PTCHD1: variants seen among roughly 807,000 people sequenced by gnomAD.
The protein encoded by PTCHD1 is patched domain-containing protein 1.
In PTCHD1, 3 loss-of-function variants were observed where a neutral mutation model predicts 34.6. That is an observed-to-expected ratio of 0.09 (90% CI 0.04 to 0.22). PTCHD1 has a LOEUF of 0.22. PTCHD1 is among the 10% of genes least tolerant of loss of function. PTCHD1 has a pLI of 1.00. For synonymous variants in PTCHD1, 305 were observed against 283.1 expected, an observed-to-expected ratio of 1.08 and a Z score of -0.77; for missense variants, 504 against 685.5, an observed-to-expected ratio of 0.74 and a Z score of 2.96.
intron 2 of PTCHD1, among the ~76,000 whole-genome samples, chrX:23,386,350 AT>A (rs1392866983): frequency 1.8e-5 from 2 of 112,026 alleles, no homozygotes; most frequent in African/African-American, 6.5e-5. Flanking sequence ...AATTTTCAAA[AT>A]GTGACAAGTC....
rs1923104055 is a variant in PTCHD1 at position 23,400,939 on chromosome X, T to A, written c.*6754T>A. ...GGCGCCATCTCAGCTCACTGCAAGC[T>A]CCACCTCCCAGGTTCACGACATTCT... On this transcript the variant is annotated 3_prime_UTR_variant, in exon 3 of 3. Coordinates refer to ENST00000379361, the MANE Select transcript of PTCHD1 (RefSeq NM_173495.3). 1 of 110,560 alleles carries A rather than the reference T, an allele frequency of 9.0e-6. No individual in the cohort carries two copies. The highest frequency in any genetic ancestry group is 1.9e-5 in the Non-Finnish European group (1 of 52,937). The allele number at this position is 110,560 out of a possible 1,213,427, so 9.1% of individuals were successfully genotyped here. A position where few individuals can be genotyped will look rare whatever the true frequency, so the allele number is the denominator to read the frequency against.
chrX:23,368,554 G>A (rs1296828821), intron 1 of PTCHD1, among the ~76,000 whole-genome samples: 6 of 111,237 alleles, frequency 5.4e-5, no homozygotes, highest in Non-Finnish European at 9.4e-5. Flanking sequence ...AGGATTGAGC[G>A]AAACAAAATC....
At chrX:23,375,067 C>T (rs995093639) in intron 1 of PTCHD1, among the ~76,000 whole-genome samples, 1 of 111,807 alleles carries the variant, frequency 8.9e-6, no homozygotes, top group East Asian at 2.8e-4. Context: ...TTTAGCAACA[C>T]CAGAGGCTGG....
chrX:23,391,787 A>C (rs1291260088), intron 2 of PTCHD1, among the ~76,000 whole-genome samples: 2 of 111,757 alleles, frequency 1.8e-5, no homozygotes, highest in East Asian at 5.7e-4. Flanking sequence ...CGTTCCACCA[A>C]CCAAACTGCA....
At chrX:23,360,042 T>C (rs1312666759) in intron 1 of PTCHD1, among the ~76,000 whole-genome samples, 1 of 112,258 alleles carries the variant, frequency 8.9e-6, no homozygotes, top group African/African-American at 3.2e-5. Flanking sequence ...GCTGCTAGAT[T>C]CAGTTTACTA....
chrX:23,376,970 G>A (rs1431819097), intron 1 of PTCHD1, among the ~76,000 whole-genome samples: 2 of 111,884 alleles, frequency 1.8e-5, no homozygotes, highest in African/African-American at 3.3e-5. Flanking sequence ...CTTGTAGTAC[G>A]CGGGTTAACA....
At position 23,396,063 on chromosome X, in the gene PTCHD1, T is replaced by G. The variant is rs905101098; in HGVS notation, c.*1878T>G. 1.8e-5 allele frequency: 2 copies of G among 112,406 alleles called. No individual in the cohort carries two copies. The highest frequency in any genetic ancestry group is 3.8e-5 in the Non-Finnish European group (2 of 53,250). 9.3% of individuals were successfully genotyped at this position (112,406 alleles called of 1,213,427 possible). The stretch of plus-strand genomic sequence containing the variant: ...GGCCACAGGGCAGACATTTTTTTAG[T>G]GTCTGGAATTAAAATGTTTGAGGTT... On this transcript the variant is annotated 3_prime_UTR_variant, in exon 3 of 3. Transcript: ENST00000379361.
chrX:23,373,857 T>C (rs750984200), intron 1 of PTCHD1, among the ~76,000 whole-genome samples: 2 of 112,384 alleles, frequency 1.8e-5, no homozygotes, highest in South Asian at 7.4e-4. Flanking sequence ...GGGAACATTT[T>C]ATTTAGGGGT....
rs969723441 is a variant in PTCHD1 at position 23,379,747 on chromosome X, A to C, written c.508A>C (p.Asn170His). ...LKNARATNRT[N>H]FAITYPITHL... ...GAATGCTCGGGCCACCAATCGGACC[A>C]ATTTTGCTATCACATACCCAATCAC... Residue 170 changes from asparagine (N) to histidine (H), a missense_variant, in exon 2 of 3, where the codon AAT (asparagine) becomes CAT (histidine). Coordinates refer to ENST00000379361, the MANE Select transcript of PTCHD1 (RefSeq NM_173495.3). 3.3e-6 allele frequency: 4 copies of C among 1,209,199 alleles called. No individual in the cohort carries two copies. The highest frequency in any genetic ancestry group is 4.5e-6 in the Non-Finnish European group (4 of 895,127).
chrX:23,357,404 A>G (rs920320107), intron 1 of PTCHD1, among the ~76,000 whole-genome samples: 7 of 111,751 alleles, frequency 6.3e-5, no homozygotes, highest in African/African-American at 2.3e-4. Context: ...TGCTGAGGAT[A>G]TGGGGTAACT....
At chrX:23,372,607 A>G (rs1189472609) in intron 1 of PTCHD1, among the ~76,000 whole-genome samples, 1 of 111,111 alleles carries the variant, frequency 9.0e-6, no homozygotes, top group Non-Finnish European at 1.9e-5. Flanking sequence ...TGTCCTTGGC[A>G]TGCTGTTTTT....
chrX:23,348,032 T>C lies in PTCHD1; in HGVS notation c.351+12806T>C, dbSNP rs149391916. Among the ~76,000 whole-genome samples, 686 of 110,685 alleles carry C rather than the reference T, an allele frequency of 6.2e-3. 7 individuals are homozygous for C. The highest frequency in any genetic ancestry group is 0.021 in the African/African-American group (648 of 30,320). On this transcript the variant is annotated intron_variant, in intron 1 of 2. Coordinates refer to ENST00000379361, the MANE Select transcript of PTCHD1 (RefSeq NM_173495.3). ...CTCAAAAAAAATAAAGTAACAATGATTAATATGTTAAGGGCTTTAGTGGAA... is the reference window on the plus strand; with the variant it reads ...CTCAAAAAAAATAAAGTAACAATGACTAATATGTTAAGGGCTTTAGTGGAA...
intron 1 of PTCHD1, among the ~76,000 whole-genome samples, chrX:23,359,860 G>A (rs762779891): frequency 8.9e-6 from 1 of 111,770 alleles, no homozygotes; most frequent in Non-Finnish European, 1.9e-5. Context: ...TAGCAAGAAG[G>A]GCTGTTGACT....
chrX:23,390,122 A>G (rs1279057251), intron 2 of PTCHD1, among the ~76,000 whole-genome samples: 2 of 112,135 alleles, frequency 1.8e-5, no homozygotes, highest in Non-Finnish European at 3.8e-5. Flanking sequence ...AAAGAACTGC[A>G]AAACAGATTT....
intron 1 of PTCHD1, among the ~76,000 whole-genome samples, chrX:23,342,284 ATATATATATATATATATATATATATAT>A (rs1449697267): frequency 1.1e-3 from 6 of 5,327 alleles, no homozygotes; most frequent in South Asian, 0.016. Flanking sequence ...ATATATATAT[ATATATATATATATATATATATATATAT>A]TTTTTTTTTT....
intron 1 of PTCHD1, among the ~76,000 whole-genome samples, chrX:23,362,794 A>G (rs2146627992): frequency 8.9e-6 from 1 of 111,772 alleles, no homozygotes; most frequent in East Asian, 2.8e-4. Context: ...GATGTTGGTG[A>G]CCTACAGATG....
intron 1 of PTCHD1, among the ~76,000 whole-genome samples, chrX:23,364,461 TC>T (rs1338755546): frequency 1.9e-5 from 2 of 106,828 alleles, no homozygotes; most frequent in African/African-American, 6.9e-5. Flanking sequence ...TAGACTACCA[TC>T]CCAGCAGTAC....
At chrX:23,342,043 C>T (rs1488381903) in intron 1 of PTCHD1, among the ~76,000 whole-genome samples, 3 of 108,543 alleles carry the variant, frequency 2.8e-5, no homozygotes, top group African/African-American at 1.0e-4. Flanking sequence ...CAGTGAGTAG[C>T]AGGAAGCCAA....
At chrX:23,377,575 G>GGT (rs748957859) in intron 1 of PTCHD1, among the ~76,000 whole-genome samples, 27,474 of 90,150 alleles carry the variant, frequency 0.3, 3,511 homozygotes, top group African/African-American at 0.37. Flanking sequence ...GCCTCCTAGG[G>GGT]GTGTGTGTGT....
Sources: allele counts gnomAD v4.1 joint callset (sites outside exome capture counted in the v4.1 genomes callset), GRCh38; gene constraint gnomAD v4.1.1; transcripts MANE v1.5; gene names NCBI Gene and HGNC (gene_info 2026-07-23, HGNC 2026-07-21).